The following EGFLAM variants were observed in gnomAD, a reference collection of about 807,000 sequenced individuals.
The protein encoded by EGFLAM is pikachurin.
A neutral mutation model predicts 113.1 loss-of-function variants in EGFLAM; 79 were observed. The observed-to-expected ratio is 0.70, with a 90% CI of 0.58 to 0.84. EGFLAM has a LOEUF of 0.84. Ranked by LOEUF, EGFLAM falls within the 40% of genes least tolerant of loss-of-function variation. The probability of loss-of-function intolerance (pLI) is 0.00; values close to 1 mark genes in which losing one functional copy is unlikely to be tolerated. For missense variants in EGFLAM, 1,265 were observed against 1,291.6 expected (o/e 0.98, Z 0.32); for synonymous variants, 504 against 487.6 (o/e 1.03, Z -0.44).
At chr5:38,291,703 C>T (rs1758337228) in intron 1 of EGFLAM, among the ~76,000 whole-genome samples, 1 of 152,136 alleles carries the variant, frequency 6.6e-6, no homozygotes, top group African/African-American at 2.4e-5. Flanking sequence ...AGCCATATGC[C>T]AAGGATTGCT....
At chr5:38,421,024 G>T (rs1210764515) in intron 12 of EGFLAM, among the ~76,000 whole-genome samples, 1 of 152,152 alleles carries the variant, frequency 6.6e-6, no homozygotes, top group Non-Finnish European at 1.5e-5. Context: ...TTCCATGTTT[G>T]CTGTCCTTTG....
chr5:38,463,779 C>T (rs1257297014), intron 21 of EGFLAM, 53 bp from the exon 22 acceptor site: 1 of 1,598,658 alleles, frequency 6.3e-7, no homozygotes, highest in Non-Finnish European at 8.5e-7. Context: ...CCGACCTTGC[C>T]CTGCGGACAC....
At chr5:38,417,575 C>T (rs1271759599) in intron 11 of EGFLAM, among the ~76,000 whole-genome samples, 2 of 151,984 alleles carry the variant, frequency 1.3e-5, no homozygotes, top group Non-Finnish European at 2.9e-5. Context: ...CCCTCCACCC[C>T]CCGTCCACCC....
intron 1 of EGFLAM, among the ~76,000 whole-genome samples, chr5:38,335,734 G>A (rs939408516): frequency 6.6e-6 from 1 of 152,152 alleles, no homozygotes; most frequent in African/African-American, 2.4e-5. Context: ...GGTTCCTGCT[G>A]ACAGCACTGG....
At chr5:38,421,517 A>T (rs1011470412) in intron 12 of EGFLAM, among the ~76,000 whole-genome samples, 3 of 152,170 alleles carry the variant, frequency 2.0e-5, no homozygotes, top group Non-Finnish European at 2.9e-5. Context: ...TCACTCAATA[A>T]ATACTTCACT....
At chr5:38,308,502 C>T (rs908418959) in intron 1 of EGFLAM, among the ~76,000 whole-genome samples, 61 of 152,308 alleles carry the variant, frequency 4.0e-4, no homozygotes, top group African/African-American at 1.4e-3. Flanking sequence ...CTGGCTTTGG[C>T]ATTTTTTTTC....
At chr5:38,415,154 G>C (rs1741601042) in intron 11 of EGFLAM, among the ~76,000 whole-genome samples, 1 of 148,762 alleles carries the variant, frequency 6.7e-6, no homozygotes, top group Non-Finnish European at 1.5e-5. Flanking sequence ...TTGAAGTCAG[G>C]AGTTCGAGAC....
intron 1 of EGFLAM, among the ~76,000 whole-genome samples, chr5:38,271,707 C>CCAGAA (rs1297183474): frequency 1.3e-5 from 2 of 152,202 alleles, no homozygotes; most frequent in East Asian, 3.8e-4. Context: ...ACTCTTCCAG[C>CCAGAA]CAGAAGCCAT....
rs1287058633 is a variant in EGFLAM at position 38,370,348 on chromosome 5, T to C, written c.598T>C (p.Ser200Pro). The C allele has an allele frequency of 5.0e-6, 8 of 1,614,148 alleles. No individual in the cohort carries two copies. The highest frequency in any genetic ancestry group is 6.8e-6 in the Non-Finnish European group (8 of 1,180,032). ...TSIHERIQMDSMVIKGLDPDT... is the reference protein window; with the variant it reads ...TSIHERIQMDPMVIKGLDPDT... ...AATCCATGAGCGGATCCAGATGGAC[T>C]CCATGGTTATCAAGGGCCTCGATCC... Residue 200 changes from serine to proline, a missense_variant, in exon 6 of 22, where the codon TCC becomes CCC. Physicochemically the swap from Ser to Pro is moderately conservative, Grantham distance 74. Transcript: ENST00000322350.
intron 5 of EGFLAM, among the ~76,000 whole-genome samples, chr5:38,356,747 A>AATC (rs763547907): frequency 2.6e-5 from 4 of 152,166 alleles, no homozygotes; most frequent in Admixed American, 6.5e-5. Context: ...TTGGCTGCAA[A>AATC]ATCAATCCAT....
intron 6 of EGFLAM, among the ~76,000 whole-genome samples, chr5:38,374,121 T>G (rs1740302370): frequency 1.3e-5 from 2 of 152,326 alleles, no homozygotes; most frequent in Admixed American, 6.5e-5. Flanking sequence ...CTCTGATGAT[T>G]AGTGATGCTG....
At chr5:38,334,965 G>A (rs1368250572) in intron 1 of EGFLAM, among the ~76,000 whole-genome samples, 1 of 152,166 alleles carries the variant, frequency 6.6e-6, no homozygotes, top group Non-Finnish European at 1.5e-5. Flanking sequence ...ACGGGTTGGG[G>A]AGTACTACTG....
chr5:38,270,742 T>C (rs1414602043), intron 1 of EGFLAM, among the ~76,000 whole-genome samples: 1 of 152,226 alleles, frequency 6.6e-6, no homozygotes, highest in African/African-American at 2.4e-5. Context: ...TACAAAGGTT[T>C]TGTGTGATAA....
At chr5:38,389,772 A>G (rs1175715871) in intron 6 of EGFLAM, among the ~76,000 whole-genome samples, 1 of 152,150 alleles carries the variant, frequency 6.6e-6, no homozygotes, top group Non-Finnish European at 1.5e-5. Flanking sequence ...TGTTTTCTAT[A>G]TTCACATCCA....
At chr5:38,442,371 T>C (rs1042426068) in intron 17 of EGFLAM, among the ~76,000 whole-genome samples, 5 of 147,806 alleles carry the variant, frequency 3.4e-5, no homozygotes, top group African/African-American at 1.2e-4. Flanking sequence ...TAACATAATA[T>C]GTTAATATTT....
chr5:38,283,714 TCTCTGA>T (rs1429147553), intron 1 of EGFLAM, among the ~76,000 whole-genome samples: 1 of 152,164 alleles, frequency 6.6e-6, no homozygotes, highest in African/African-American at 2.4e-5. Flanking sequence ...ATCCACCACC[TCTCTGA>T]CTCCATGGGA....
chr5:38,359,123 T>A (rs1210766661), intron 5 of EGFLAM, among the ~76,000 whole-genome samples: 1 of 152,146 alleles, frequency 6.6e-6, no homozygotes, highest in Non-Finnish European at 1.5e-5. Flanking sequence ...GCCTTTCTCA[T>A]AAGCAAATAA....
chr5:38,388,089 T>C (rs760089293), intron 6 of EGFLAM, among the ~76,000 whole-genome samples: 1 of 152,256 alleles, frequency 6.6e-6, no homozygotes, highest in Non-Finnish European at 1.5e-5. Flanking sequence ...GATTTGAATA[T>C]ATTTTTAAAT....
intron 6 of EGFLAM, among the ~76,000 whole-genome samples, chr5:38,401,517 C>G (rs1741112324): frequency 6.6e-6 from 1 of 152,066 alleles, no homozygotes; most frequent in African/African-American, 2.4e-5. Flanking sequence ...TCTTTCCATT[C>G]TTACTTCTAG....
Sources: allele counts gnomAD v4.1 joint callset (sites outside exome capture counted in the v4.1 genomes callset), GRCh38; gene constraint gnomAD v4.1.1; transcripts MANE v1.5; gene names NCBI Gene and HGNC (gene_info 2026-07-23, HGNC 2026-07-21).